Variants in ST3GAL2 observed in about 807,000 individuals in gnomAD.
ST3GAL2 encodes CMP-N-acetylneuraminate-beta-galactosamide-alpha-2,3-sialyltransferase 2.
ST3GAL2 carries 16 observed loss-of-function variants against 37.5 expected under a neutral mutation model. The ratio of observed to expected loss-of-function variants is 0.43; its 90% CI spans 0.29 to 0.65. ST3GAL2 has a LOEUF of 0.65. Among genes scored for constraint, ST3GAL2 ranks in the 30% least tolerant of loss-of-function variants. ST3GAL2 has a pLI of 0.17. For synonymous variants in ST3GAL2, 238 were observed against 202.9 expected (o/e 1.17, Z -1.47); for missense variants, 383 against 487.8 (o/e 0.79, Z 2.02).
intron 1 of ST3GAL2, among the ~76,000 whole-genome samples, chr16:70,432,138 C>T (rs760497315): frequency 1.3e-5 from 2 of 151,870 alleles, no homozygotes; most frequent in African/African-American, 4.8e-5. Context: ...GGTGACACAG[C>T]GAGGCCCCAT....
At position 70,398,686 on chromosome 16, in the gene ST3GAL2, C is replaced by T. The variant is rs1335334081; in HGVS notation, c.-156G>A. On this transcript the variant is annotated 5_prime_UTR_variant, in exon 2 of 7. Transcript: ENST00000342907. Reference sequence around the variant, plus strand: ...CAGTGGCAGGGGTCCCTTGCCACGCCCTCCCTCATGTAGGGAGAACACACG... The same window carrying T: ...CAGTGGCAGGGGTCCCTTGCCACGCTCTCCCTCATGTAGGGAGAACACACG... 3 of 704,876 alleles carry T rather than the reference C, an allele frequency of 4.3e-6. No individual in the cohort carries two copies. Among genetic ancestry groups the T allele is most frequent in the Non-Finnish European group, 7.0e-6 (3 of 429,886 alleles). The allele number at this position is 704,876 out of a possible 1,614,324, so 43.7% of individuals were successfully genotyped here.
intron 1 of ST3GAL2, among the ~76,000 whole-genome samples, chr16:70,438,457 G>C (rs2047841952): frequency 6.6e-6 from 1 of 152,182 alleles, no homozygotes; most frequent in African/African-American, 2.4e-5. Context: ...ACTGAGGATG[G>C]TTAGGGGGCA....
chr16:70,379,970 GAA>G lies in ST3GAL2; in HGVS notation c.*1717_*1718del, dbSNP rs1214751833. On this transcript the variant is annotated 3_prime_UTR_variant, in exon 7 of 7. Transcript: ENST00000342907. Reference sequence around the variant, plus strand: ...ATGATTTAAAGCAAAAGAAAAAAAAGAAATAAATTATTCTGCTCAATACTGTT... The same window carrying G: ...ATGATTTAAAGCAAAAGAAAAAAAAGATAAATTATTCTGCTCAATACTGTT... 6.6e-6 allele frequency: 1 copy of G among 151,968 alleles called. No individual in the cohort carries two copies. The highest frequency in any genetic ancestry group is 2.1e-4 in the South Asian group (1 of 4,824). The allele number at this position is 151,968 out of a possible 1,614,324, so 9.4% of individuals were successfully genotyped here. A position where few individuals can be genotyped will look rare whatever the true frequency, so the allele number is the denominator to read the frequency against.
chr16:70,432,533 A>G (rs1027279776), intron 1 of ST3GAL2, among the ~76,000 whole-genome samples: 1 of 152,240 alleles, frequency 6.6e-6, no homozygotes, highest in Non-Finnish European at 1.5e-5. Flanking sequence ...AACTACAACA[A>G]TGATTTATAA....
At chr16:70,428,658 GGTCC>G (rs1213202539) in intron 1 of ST3GAL2, among the ~76,000 whole-genome samples, 2 of 152,168 alleles carry the variant, frequency 1.3e-5, no homozygotes, top group African/African-American at 4.8e-5. Flanking sequence ...GACTTCTCAA[GGTCC>G]CCACACGTCC....
chr16:70,416,182 T>C (rs1399891569), intron 1 of ST3GAL2, among the ~76,000 whole-genome samples: 1 of 152,212 alleles, frequency 6.6e-6, no homozygotes, highest in Admixed American at 6.5e-5. Context: ...TTTCCAGTTT[T>C]ACCTATTTCT....
rs34454921 is a variant in ST3GAL2 at position 70,377,178 on chromosome 16, T to TAAAAAAAA, written c.*4503_*4510dup. 4.7e-5 allele frequency: 4 copies of TAAAAAAAA among 85,480 alleles called. No homozygotes were observed. Among genetic ancestry groups the TAAAAAAAA allele is most frequent in the African/African-American group, 1.8e-4 (3 of 16,272 alleles). 5.3% of individuals were successfully genotyped at this position (85,480 alleles called of 1,614,324 possible). A position where few individuals can be genotyped will look rare whatever the true frequency, so the allele number is the denominator to read the frequency against. On this transcript the variant is annotated 3_prime_UTR_variant, in exon 7 of 7. Coordinates refer to ENST00000342907, the MANE Select transcript of ST3GAL2 (RefSeq NM_006927.4). Reference sequence around the variant, plus strand: ...CTGGGCGACAGGAGACCCTGTCTCTTAAAAAAAAAAAAAAAAAAAAAAAAA... The same window carrying TAAAAAAAA: ...CTGGGCGACAGGAGACCCTGTCTCTTAAAAAAAAAAAAAAAAAAAAAAAAAAAAAAAAA...
intron 1 of ST3GAL2, among the ~76,000 whole-genome samples, chr16:70,407,960 G>T (rs189299695): frequency 2.0e-4 from 30 of 152,226 alleles, no homozygotes; most frequent in Middle Eastern, 3.4e-3. Flanking sequence ...GATGGGTGCT[G>T]CTTGCCTCTG....
In ST3GAL2 at chr16:70,378,699, C is replaced by CA. The variant is rs573703172; in HGVS notation, c.*2989dup. ...CCTGGGCGAGAGTGAGAATCAGTCT[C>CA]AAAAAAAAAAAATCGGCCAGGCACA... On this transcript the variant is annotated 3_prime_UTR_variant, in exon 7 of 7. Transcript: ENST00000342907. 781 of 90,256 alleles carry CA rather than the reference C, an allele frequency of 8.7e-3. 5 individuals are homozygous for CA. The highest frequency in any genetic ancestry group is 0.022 in the African/African-American group (533 of 23,814). 5.6% of individuals were successfully genotyped at this position (90,256 alleles called of 1,614,324 possible). A position where few individuals can be genotyped will look rare whatever the true frequency, so the allele number is the denominator to read the frequency against.
intron 1 of ST3GAL2, among the ~76,000 whole-genome samples, chr16:70,410,582 G>A (rs2047631008): frequency 6.6e-6 from 1 of 151,318 alleles, no homozygotes; most frequent in Non-Finnish European, 1.5e-5. Flanking sequence ...CCCCCTCCTG[G>A]TCTGGAAATT....
At chr16:70,388,243 C>T (rs1016718909) in intron 4 of ST3GAL2, 124 bp downstream of exon 4, 13 of 1,269,014 alleles carry the variant, frequency 1.0e-5, no homozygotes, top group East Asian at 7.1e-5. Context: ...TTAGGCCCTC[C>T]CTTCTCACCA....
intron 3 of ST3GAL2, among the ~76,000 whole-genome samples, chr16:70,390,509 C>T (rs1220799465): frequency 2.6e-5 from 4 of 152,216 alleles, no homozygotes; most frequent in East Asian, 1.9e-4. Context: ...GGCCCTGGGC[C>T]GGATGGAAGC....
intron 1 of ST3GAL2, among the ~76,000 whole-genome samples, chr16:70,405,165 G>A (rs2047581195): frequency 6.6e-6 from 1 of 152,096 alleles, no homozygotes; most frequent in Admixed American, 6.6e-5. Flanking sequence ...CCATACAAGG[G>A]AGTATTATTC....
chr16:70,408,640 C>T (rs2047610655), intron 1 of ST3GAL2, among the ~76,000 whole-genome samples: 1 of 151,992 alleles, frequency 6.6e-6, no homozygotes, highest in Admixed American at 6.6e-5. Context: ...CCTCGGGCAG[C>T]CCCTCCCTTC....
chr16:70,390,236 G>A (rs758772267), intron 3 of ST3GAL2, among the ~76,000 whole-genome samples: 1 of 152,032 alleles, frequency 6.6e-6, no homozygotes, highest in Non-Finnish European at 1.5e-5. Flanking sequence ...CACCACGCCT[G>A]TTTTGTTTTC....
chr16:70,411,561 G>A (rs959000460), intron 1 of ST3GAL2, among the ~76,000 whole-genome samples: 1 of 151,934 alleles, frequency 6.6e-6, no homozygotes, highest in Admixed American at 6.6e-5. Context: ...AAAGATCGAG[G>A]GTCCTTCATG....
chr16:70,383,891 C>G (rs988253608), intron 4 of ST3GAL2, among the ~76,000 whole-genome samples: 2 of 151,640 alleles, frequency 1.3e-5, no homozygotes, highest in African/African-American at 4.8e-5. Context: ...CTTCCCTAGA[C>G]CAGCCCCAAC....
At position 70,379,130 on chromosome 16, in the gene ST3GAL2, C is replaced by G. The variant is rs2047374934; in HGVS notation, c.*2559G>C. ...ACTTCCCTGAGAGGTGGGGACAGCC[C>G]AGCCTGTGGCCACCCAAATGTATCG... On this transcript the variant is annotated 3_prime_UTR_variant, in exon 7 of 7. Transcript: ENST00000342907. The G allele has an allele frequency of 6.6e-6, 1 of 152,212 alleles. No homozygotes were observed. 9.4% of individuals were successfully genotyped at this position (152,212 alleles called of 1,614,324 possible). A position where few individuals can be genotyped will look rare whatever the true frequency, so the allele number is the denominator to read the frequency against.
chr16:70,399,468 A>T lies in ST3GAL2; in HGVS notation c.-938T>A. ...CCCGGGGCCAGCCTATCCTGCTGTG[A>T]GCTCACAGTAATCCCCTGGCAGGTT... is the stretch of plus-strand genomic sequence containing the variant. On this transcript the variant is annotated 5_prime_UTR_variant, in exon 2 of 7. Transcript: ENST00000342907. The T allele has an allele frequency of 2.5e-6, 1 of 398,670 alleles. No homozygotes were observed. Among genetic ancestry groups the T allele is most frequent in the Non-Finnish European group, 4.4e-6 (1 of 226,156 alleles). The allele number at this position is 398,670 out of a possible 1,614,324, so 24.7% of individuals were successfully genotyped here.
Sources: gnomAD v4.1 joint callset for allele counts (sites outside exome capture counted in the v4.1 genomes callset) on GRCh38, gnomAD v4.1.1 for gene constraint, MANE v1.5 for transcripts, NCBI Gene and HGNC (gene_info 2026-07-23, HGNC 2026-07-21) for gene names.